LMO4: variants seen among roughly 807,000 people sequenced by gnomAD.
LMO4 encodes LIM domain transcription factor LMO4.
In LMO4, 3 loss-of-function variants were observed where a neutral mutation model predicts 18.5. The ratio of observed to expected loss-of-function variants is 0.16; its 90% CI spans 0.07 to 0.42. LMO4 has a LOEUF of 0.42. Among genes scored for constraint, LMO4 ranks in the 10% least tolerant of loss-of-function variants. LMO4 has a pLI of 0.99. For missense variants in LMO4, 121 were observed against 219.9 expected (o/e 0.55, Z 2.84); for synonymous variants, 100 against 88.1 (o/e 1.14, Z -0.76).
intron 3 of LMO4, 114 bp from the exon 4 acceptor site, chr1:87,339,933 C>G (rs1410337792): frequency 1.8e-5 from 22 of 1,205,420 alleles, no homozygotes; most frequent in Admixed American, 9.0e-5. Context: ...AAACGCTAAA[C>G]CCTAAGTGTC....
chr1:87,339,778 A>G (rs1650420085), intron 3 of LMO4, 146 bp downstream of exon 3: 2 of 662,558 alleles, frequency 3.0e-6, no homozygotes, highest in Non-Finnish European at 5.3e-6. Context: ...CATGGCAGTG[A>G]TGGTTACACA....
At chr1:87,338,242 C>T (rs1650368035) in intron 2 of LMO4, among the ~76,000 whole-genome samples, 1 of 152,196 alleles carries the variant, frequency 6.6e-6, no homozygotes, top group African/African-American at 2.4e-5. Context: ...TAGAGGCATG[C>T]TGCAATCATT....
chr1:87,330,270 T>C (rs1006873118), intron 1 of LMO4, among the ~76,000 whole-genome samples: 2 of 152,126 alleles, frequency 1.3e-5, no homozygotes, highest in Admixed American at 6.5e-5. Context: ...ATCTCCTCCC[T>C]CACTCTCCTT....
intron 2 of LMO4, 21 bp from the exon 3 acceptor site, chr1:87,339,515 A>G (rs1650410901): frequency 6.3e-7 from 1 of 1,578,118 alleles, no homozygotes; most frequent in Non-Finnish European, 8.7e-7. Context: ...CACTGGTGTC[A>G]ACCGTTATTC....
chr1:87,333,074 A>G (rs1570649534), intron 2 of LMO4, among the ~76,000 whole-genome samples: 1 of 152,254 alleles, frequency 6.6e-6, no homozygotes, highest in Admixed American at 6.5e-5. Context: ...GTATAGGAAC[A>G]TTCATATGTC....
chr1:87,343,686 C>T (rs1192030792), intron 4 of LMO4, among the ~76,000 whole-genome samples: 2 of 152,186 alleles, frequency 1.3e-5, no homozygotes, highest in African/African-American at 4.8e-5. Context: ...ATTTGATGCT[C>T]ATTTATTAAA....
chr1:87,342,354 C>T (rs1650521280), intron 4 of LMO4, among the ~76,000 whole-genome samples: 1 of 152,122 alleles, frequency 6.6e-6, no homozygotes, highest in African/African-American at 2.4e-5. Flanking sequence ...GGGAGGAGAA[C>T]TGCAGAAAAA....
Position 87,347,224 on chromosome 1 carries a change from T to C in LMO4, c.*2428T>C, listed in dbSNP as rs1394389909. 1 of 152,206 alleles carries C rather than the reference T, an allele frequency of 6.6e-6. No individual in the cohort carries two copies. The highest frequency in any genetic ancestry group is 2.4e-5 in the African/African-American group (1 of 41,454). 9.4% of individuals were successfully genotyped at this position (152,206 alleles called of 1,614,324 possible). A position where few individuals can be genotyped will look rare whatever the true frequency, so the allele number is the denominator to read the frequency against. On this transcript the variant is annotated 3_prime_UTR_variant, in exon 5 of 5. Coordinates refer to ENST00000370544, the MANE Select transcript of LMO4 (RefSeq NM_006769.4). The stretch of plus-strand genomic sequence containing the variant: ...CATGCAAGTGATGAAGCCTTCTCTT[T>C]GATGTGCTAAATTGGAGAAGGACTA...
intron 1 of LMO4, 184 bp from the exon 2 acceptor site, chr1:87,331,829 G>A (rs1650157873): frequency 1.0e-5 from 6 of 586,050 alleles, no homozygotes; most frequent in South Asian, 6.5e-5. Flanking sequence ...ACAGGCGGCT[G>A]CTGCCGGCGA....
Position 87,329,036 on chromosome 1 carries a change from G to A in LMO4, c.-212G>A, listed in dbSNP as rs182851533. The A allele has an allele frequency of 8.1e-3, 1,232 of 151,558 alleles. 11 individuals are homozygous for A. The highest frequency in any genetic ancestry group is 0.015 in the Non-Finnish European group (1,014 of 67,888). 9.4% of individuals were successfully genotyped at this position (151,558 alleles called of 1,614,324 possible). A position where few individuals can be genotyped will look rare whatever the true frequency, so the allele number is the denominator to read the frequency against. ...TCCCGGCCGCCCGGCACTTACGCGG[G>A]GGCCCCCCAACCCGCCCCAGAGCAA... On this transcript the variant is annotated 5_prime_UTR_variant, in exon 1 of 5. Coordinates refer to ENST00000370544, the MANE Select transcript of LMO4 (RefSeq NM_006769.4).
chr1:87,334,073 TTTCTC>T (rs1443075514), intron 2 of LMO4, among the ~76,000 whole-genome samples: 1 of 152,198 alleles, frequency 6.6e-6, no homozygotes, highest in East Asian at 1.9e-4. Context: ...TGTCCATTCT[TTTCTC>T]TATTCTTGGG....
intron 4 of LMO4, among the ~76,000 whole-genome samples, chr1:87,344,503 C>T (rs1290808089): frequency 6.6e-6 from 1 of 152,084 alleles, no homozygotes; most frequent in African/African-American, 2.4e-5. Context: ...AAGACACTTG[C>T]TCTTAACAGA....
Position 87,347,243 on chromosome 1 carries a change from A to C in LMO4, c.*2447A>C, listed in dbSNP as rs1570271967. 3 of 152,354 alleles carry C rather than the reference A, an allele frequency of 2.0e-5. No individual in the cohort carries two copies. Among genetic ancestry groups the C allele is most frequent in the African/African-American group, 7.2e-5 (3 of 41,584 alleles). 9.4% of individuals were successfully genotyped at this position (152,354 alleles called of 1,614,324 possible). On this transcript the variant is annotated 3_prime_UTR_variant, in exon 5 of 5. Transcript: ENST00000370544. ...TCTCTTTGATGTGCTAAATTGGAGAAGGACTAATGGAGCTATGAATATACA... is the reference window on the plus strand; with the variant it reads ...TCTCTTTGATGTGCTAAATTGGAGACGGACTAATGGAGCTATGAATATACA...
At position 87,345,069 on chromosome 1, in the gene LMO4, A is replaced by T; in HGVS notation, c.*273A>T. The T allele has an allele frequency of 3.5e-5, 5 of 141,100 alleles. No individual in the cohort carries two copies. Among genetic ancestry groups the T allele is most frequent in the Non-Finnish European group, 7.3e-5 (5 of 68,088 alleles). The allele number at this position is 141,100 out of a possible 1,614,324, so 8.7% of individuals were successfully genotyped here. ...ACCAGAGGACATCTTGGGGAGGGGG[A>T]GGGAGCTGGGGGGGAGGGAAATGAC... is the stretch of plus-strand genomic sequence containing the variant. On this transcript the variant is annotated 3_prime_UTR_variant, in exon 5 of 5. Transcript: ENST00000370544.
chr1:87,337,549 G>T (rs969218539), intron 2 of LMO4, among the ~76,000 whole-genome samples: 1 of 152,176 alleles, frequency 6.6e-6, no homozygotes, highest in Non-Finnish European at 1.5e-5. Flanking sequence ...TTGTTCTTTA[G>T]CCTTGTTAGG....
Position 87,346,644 on chromosome 1 carries a change from A to T in LMO4, c.*1848A>T, listed in dbSNP as rs1162505732. ...CTGTGCTCACTTCCTGTTTTCAGAG[A>T]TTCCAGGGCAGGGGAAAAAAAAAAT... On this transcript the variant is annotated 3_prime_UTR_variant, in exon 5 of 5. Coordinates refer to ENST00000370544, the MANE Select transcript of LMO4 (RefSeq NM_006769.4). 1 of 151,998 alleles carries T rather than the reference A, an allele frequency of 6.6e-6. No homozygotes were observed. The highest frequency in any genetic ancestry group is 1.5e-5 in the Non-Finnish European group (1 of 68,042). The allele number at this position is 151,998 out of a possible 1,614,324, so 9.4% of individuals were successfully genotyped here.
intron 2 of LMO4, among the ~76,000 whole-genome samples, chr1:87,335,794 G>C: frequency 6.6e-6 from 1 of 151,034 alleles, no homozygotes; most frequent in East Asian, 1.9e-4. Context: ...AAATCTAATA[G>C]TTGGTTATTT....
intron 1 of LMO4, chr1:87,331,166 A>G (rs1182470020): frequency 6.7e-6 from 1 of 149,260 alleles, no homozygotes; most frequent in East Asian, 2.0e-4. Flanking sequence ...TTGTATAGGA[A>G]GTTAACAGGC....
intron 2 of LMO4, among the ~76,000 whole-genome samples, chr1:87,334,769 A>G (rs1470890873): frequency 6.6e-6 from 1 of 152,174 alleles, no homozygotes; most frequent in Non-Finnish European, 1.5e-5. Context: ...CTCCGCGGCC[A>G]AGTGTCGATG....
Sources: allele counts gnomAD v4.1 joint callset (sites outside exome capture counted in the v4.1 genomes callset), GRCh38; gene constraint gnomAD v4.1.1; transcripts MANE v1.5; gene names NCBI Gene and HGNC (gene_info 2026-07-23, HGNC 2026-07-21).